Variants in BACH2 observed in about 807,000 individuals in gnomAD.
BACH2 encodes the protein transcription regulator protein BACH2.
Under a neutral mutation model 61.8 loss-of-function variants are expected in BACH2, and 5 were observed. That is an observed-to-expected ratio of 0.08 (90% CI 0.04 to 0.17). The LOEUF is 0.17. Ranked by LOEUF, BACH2 falls within the 10% of genes least tolerant of loss-of-function variation. The probability of loss-of-function intolerance (pLI) is 1.00; values close to 1 mark genes in which losing one functional copy is unlikely to be tolerated. For synonymous variants in BACH2, 446 were observed against 440.1 expected (o/e 1.01, Z -0.17); for missense variants, 824 against 1,091.1 (o/e 0.76, Z 3.45).
Position 90,211,588 on chromosome 6 carries a change from C to CTGTGTGTG in BACH2, c.-274-4915_-274-4908dup, listed in dbSNP as rs3072674. ...AAGAGAAGCTTAAAAGTGTCAAGGG[C>CTGTGTGTG]TGTGTGTGTGTGTGTGTGTGTGTGT... On this transcript the variant is annotated intron_variant, in intron 3 of 8. Coordinates refer to ENST00000257749, the MANE Select transcript of BACH2 (RefSeq NM_021813.4). 5.2e-3 allele frequency among the ~76,000 whole-genome samples: 754 copies of CTGTGTGTG among 144,126 alleles called. 1 individual carries two copies. Among genetic ancestry groups the CTGTGTGTG allele is most frequent in the Middle Eastern group, 0.01 (3 of 290 alleles). 94.6% of individuals were successfully genotyped at this position (144,126 alleles called of 152,430 possible).
At chr6:90,206,114 C>T (rs920185726) in intron 4 of BACH2, among the ~76,000 whole-genome samples, 2 of 152,148 alleles carry the variant, frequency 1.3e-5, no homozygotes, top group African/African-American at 4.8e-5. Flanking sequence ...CACTGGTATA[C>T]GCAGTAACTC....
chr6:89,963,122 CAT>C (rs1413559505), intron 6 of BACH2, among the ~76,000 whole-genome samples: 1 of 152,082 alleles, frequency 6.6e-6, no homozygotes, highest in Non-Finnish European at 1.5e-5. Flanking sequence ...AGCCAACAAA[CAT>C]ATGAAAAGAT....
chr6:90,269,356 A>C (rs978818456), intron 2 of BACH2, among the ~76,000 whole-genome samples: 1 of 152,194 alleles, frequency 6.6e-6, no homozygotes, highest in East Asian at 1.9e-4. Flanking sequence ...GGTGGGAAGA[A>C]TAAAGAACCA....
chr6:90,110,567 C>G (rs1017726598), intron 4 of BACH2, among the ~76,000 whole-genome samples: 4 of 152,208 alleles, frequency 2.6e-5, no homozygotes, highest in African/African-American at 9.6e-5. Flanking sequence ...AGTTATCAAG[C>G]TCTACAGTAG....
chr6:90,008,366 G>C lies in BACH2; in HGVS notation c.243+236C>G. Reference sequence around the variant, plus strand: ...AGGGTAAGTGAACTAGAAACTACAAGTGACTGAGCCACAGGTGAGGTTCAG... The same window carrying C: ...AGGGTAAGTGAACTAGAAACTACAACTGACTGAGCCACAGGTGAGGTTCAG... On this transcript the variant is annotated intron_variant, in intron 6 of 8. Transcript: ENST00000257749. The surrounding 1 kb of genome is among the most constrained non-coding windows in gnomAD (Gnocchi z 4.1). 1.7e-6 allele frequency: 1 copy of C among 578,776 alleles called. No individual in the cohort carries two copies. The highest frequency in any genetic ancestry group is 3.0e-6 in the Non-Finnish European group (1 of 329,190). The allele number at this position is 578,776 out of a possible 1,614,324, so 35.9% of individuals were successfully genotyped here.
intron 3 of BACH2, among the ~76,000 whole-genome samples, chr6:90,245,207 A>G (rs532125492): frequency 1.4e-4 from 22 of 152,296 alleles, no homozygotes; most frequent in Non-Finnish European, 2.5e-4. Flanking sequence ...TTAAAAAAAA[A>G]AAAAGGCTTT....
chr6:90,060,654 A>G (rs1411032231), intron 5 of BACH2, among the ~76,000 whole-genome samples: 2 of 151,488 alleles, frequency 1.3e-5, no homozygotes, highest in African/African-American at 4.9e-5. Flanking sequence ...TATTAACGCT[A>G]GTTTTGCTGA....
intron 5 of BACH2, among the ~76,000 whole-genome samples, chr6:90,087,140 A>C (rs1430958515): frequency 2.0e-5 from 3 of 152,150 alleles, no homozygotes; most frequent in Non-Finnish European, 4.4e-5. Flanking sequence ...TGACTCTATT[A>C]ATGTTGAGGC....
At chr6:90,219,644 G>A (rs1028926951) in intron 3 of BACH2, among the ~76,000 whole-genome samples, 1 of 152,086 alleles carries the variant, frequency 6.6e-6, no homozygotes. Context: ...TGTACAAGTC[G>A]GGCTCTACCC....
At chr6:90,043,231 T>G (rs528842169) in intron 5 of BACH2, among the ~76,000 whole-genome samples, 175 of 152,296 alleles carry the variant, frequency 1.1e-3, no homozygotes, top group African/African-American at 3.6e-3. Context: ...CAAAAGTTCA[T>G]GTGTTGGCAA....
At chr6:90,045,038 G>A (rs1475902731) in intron 5 of BACH2, among the ~76,000 whole-genome samples, 4 of 152,192 alleles carry the variant, frequency 2.6e-5, no homozygotes, top group Admixed American at 6.5e-5. Flanking sequence ...GTAAGCTTAT[G>A]TGGGCTGAAT....
Position 89,928,984 on chromosome 6 carries a change from C to A in BACH2, c.*3424G>T. ...AGAAACAAACACATACAGCAAATCA[C>A]TCACCTGTCCAAAGCCTGACCAACT... On this transcript the variant is annotated 3_prime_UTR_variant, in exon 9 of 9. Transcript: ENST00000257749. The A allele has an allele frequency of 6.6e-6, 1 of 152,486 alleles. No homozygotes were observed. Among genetic ancestry groups the A allele is most frequent in the Non-Finnish European group, 1.5e-5 (1 of 68,022 alleles). The allele number at this position is 152,486 out of a possible 1,614,324, so 9.4% of individuals were successfully genotyped here. A position where few individuals can be genotyped will look rare whatever the true frequency, so the allele number is the denominator to read the frequency against.
intron 5 of BACH2, among the ~76,000 whole-genome samples, chr6:90,034,747 G>T (rs951427324): frequency 2.2e-4 from 33 of 152,240 alleles, no homozygotes; most frequent in African/African-American, 6.7e-4. Flanking sequence ...CTATATTAAT[G>T]TCTCTCTTTG....
intron 4 of BACH2, among the ~76,000 whole-genome samples, chr6:90,136,673 C>T (rs563306001): frequency 1.3e-5 from 2 of 151,984 alleles, no homozygotes; most frequent in Non-Finnish European, 2.9e-5. Context: ...ACTACAAATG[C>T]TACTTAATAT....
At chr6:89,935,898 C>A (rs1244010348) in intron 8 of BACH2, among the ~76,000 whole-genome samples, 2 of 152,234 alleles carry the variant, frequency 1.3e-5, no homozygotes, top group African/African-American at 2.4e-5. Context: ...CTAAGCCCAG[C>A]AGGCTTTCAG....
Position 90,252,579 on chromosome 6 carries a change from C to T in BACH2, c.-341G>A, listed in dbSNP as rs1418081251. 1.3e-5 allele frequency: 2 copies of T among 152,116 alleles called. No individual in the cohort carries two copies. The highest frequency in any genetic ancestry group is 2.9e-5 in the Non-Finnish European group (2 of 68,016). The allele number at this position is 152,116 out of a possible 1,614,324, so 9.4% of individuals were successfully genotyped here. On this transcript the variant is annotated 5_prime_UTR_variant, in exon 3 of 9. Coordinates refer to ENST00000257749, the MANE Select transcript of BACH2 (RefSeq NM_021813.4). ...CTTCCCAGGCAAAGATGATCAACAG[C>T]AACACTCTTATCTAAAGCAAAAGTA...
chr6:90,125,541 C>A (rs555300300), intron 4 of BACH2, among the ~76,000 whole-genome samples: 1 of 152,212 alleles, frequency 6.6e-6, no homozygotes, highest in Non-Finnish European at 1.5e-5. Context: ...CCTCTCCAAA[C>A]GTTCACATCT....
intron 6 of BACH2, among the ~76,000 whole-genome samples, chr6:89,989,376 G>C (rs1422011074): frequency 6.6e-6 from 1 of 152,116 alleles, no homozygotes; most frequent in African/African-American, 2.4e-5. Flanking sequence ...CTTTAGGTAT[G>C]TCACATAAAT....
At chr6:90,274,388 A>G (rs1024843452) in intron 1 of BACH2, among the ~76,000 whole-genome samples, 3 of 152,254 alleles carry the variant, frequency 2.0e-5, no homozygotes, top group African/African-American at 4.8e-5. Context: ...AAGACTTTTC[A>G]TACCTAAAAA....
Sources: allele counts gnomAD v4.1 joint callset (sites outside exome capture counted in the v4.1 genomes callset), GRCh38; gene constraint gnomAD v4.1.1; non-coding constraint Gnocchi (gnomAD v3.1); transcripts MANE v1.5; gene names NCBI Gene and HGNC (gene_info 2026-07-23, HGNC 2026-07-21).